HPSE2: variants seen among roughly 807,000 people sequenced by gnomAD.
HPSE2 encodes inactive heparanase-2.
A neutral mutation model predicts 60.5 loss-of-function variants in HPSE2; 38 were observed. The observed-to-expected ratio is 0.63, with a 90% CI of 0.48 to 0.82. The LOEUF (loss-of-function observed/expected upper bound fraction) is 0.82, where lower values mean the gene tolerates loss of function less well. HPSE2 is among the 40% of genes least tolerant of loss of function. HPSE2 has a pLI of 0.00. For missense variants in HPSE2, 713 were observed against 740.4 expected (o/e 0.96, Z 0.43); for synonymous variants, 295 against 293.2 (o/e 1.01, Z -0.06).
chr10:98,603,442 T>TTTTG lies in HPSE2; in HGVS notation c.1320+11461_1320+11462insCAAA, dbSNP rs916907712. Among the ~76,000 whole-genome samples, 18 of 150,594 alleles carry TTTTG rather than the reference T, an allele frequency of 1.2e-4. 1 individual carries two copies. Among genetic ancestry groups the TTTTG allele is most frequent in the Non-Finnish European group, 2.4e-4 (16 of 67,492 alleles). ...CGCCAGAGCACTCTGTTTTTTTGTT[T>TTTTG]TTTTTTTTGACAGAGTCTTGCTCTG... On this transcript the variant is annotated intron_variant, in intron 9 of 11. Transcript: ENST00000370552.
chr10:99,229,047 C>T (rs892961256), intron 2 of HPSE2, among the ~76,000 whole-genome samples: 3 of 151,852 alleles, frequency 2.0e-5, no homozygotes, highest in Non-Finnish European at 4.4e-5. Flanking sequence ...TGGTGACGCA[C>T]ACCTGTAATC....
intron 3 of HPSE2, among the ~76,000 whole-genome samples, chr10:98,744,771 A>C (rs1486388526): frequency 6.6e-6 from 1 of 152,196 alleles, no homozygotes; most frequent in Non-Finnish European, 1.5e-5. Flanking sequence ...TAAGATGAAT[A>C]ATAGGGTACA....
intron 7 of HPSE2, among the ~76,000 whole-genome samples, chr10:98,629,426 G>C (rs1340962314): frequency 6.6e-6 from 1 of 152,210 alleles, no homozygotes; most frequent in South Asian, 2.1e-4. Flanking sequence ...CCTCTTGTCA[G>C]TCTTTGTTCC....
Position 98,771,265 on chromosome 10 carries a change from T to C in HPSE2, c.611-27209A>G, listed in dbSNP as rs536866229. 1.1e-3 allele frequency among the ~76,000 whole-genome samples: 168 copies of C among 152,248 alleles called. 2 individuals carry two copies. The highest frequency in any genetic ancestry group is 0.01 in the Middle Eastern group (3 of 294). ...CAGAGATGTTTGAATACTCAATCAA[T>C]TAAGCTGGTCTGTTATGCTATCAGG... On this transcript the variant is annotated intron_variant, in intron 3 of 11. Transcript: ENST00000370552.
intron 3 of HPSE2, among the ~76,000 whole-genome samples, chr10:98,900,730 A>C (rs1004238589): frequency 6.6e-6 from 1 of 152,200 alleles, no homozygotes; most frequent in South Asian, 2.1e-4. Flanking sequence ...GTTGGTGAAG[A>C]TGTGGAAAAA....
intron 9 of HPSE2, among the ~76,000 whole-genome samples, chr10:98,541,065 T>C (rs1310449332): frequency 4.6e-5 from 7 of 152,218 alleles, no homozygotes; most frequent in African/African-American, 1.7e-4. Context: ...AAAAAACAGA[T>C]TTTAATGTAA....
chr10:98,816,632 C>T (rs1236398676), intron 3 of HPSE2, among the ~76,000 whole-genome samples: 1 of 152,146 alleles, frequency 6.6e-6, no homozygotes, highest in Non-Finnish European at 1.5e-5. Context: ...CAACATCTCT[C>T]CAGCTGGAAG....
chr10:98,501,633 C>T (rs1005360491), intron 9 of HPSE2, among the ~76,000 whole-genome samples: 14 of 152,112 alleles, frequency 9.2e-5, no homozygotes, highest in African/African-American at 3.4e-4. Context: ...CCTCTGAGAA[C>T]TGGAACAAGA....
At chr10:98,795,029 A>AAGGAAGGAAGGAAGGAAGGAAGGG (rs1950746189) in intron 3 of HPSE2, among the ~76,000 whole-genome samples, 1 of 132,760 alleles carries the variant, frequency 7.5e-6, no homozygotes, top group African/African-American at 2.9e-5. Context: ...AGAAGGAAGG[A>AAGGAAGGAAGGAAGGAAGGAAGGG]AGGAAGGAAG....
At chr10:99,242,730 C>T in the HPSE2 span, among the ~76,000 whole-genome samples, 1 of 152,162 alleles carries the variant, frequency 6.6e-6, no homozygotes, top group African/African-American at 2.4e-5. Context: ...AATTTAATAT[C>T]TGCTAATGTG....
chr10:98,544,380 A>G (rs985007535), intron 9 of HPSE2, among the ~76,000 whole-genome samples: 1 of 152,214 alleles, frequency 6.6e-6, no homozygotes, highest in Non-Finnish European at 1.5e-5. Context: ...AGAAAGCAGG[A>G]AAGATCCAAA....
chr10:98,960,461 A>G (rs1438215995), intron 3 of HPSE2, among the ~76,000 whole-genome samples: 1 of 152,122 alleles, frequency 6.6e-6, no homozygotes, highest in Non-Finnish European at 1.5e-5. Context: ...TATTCGAGTT[A>G]AAAAGATTAA....
At chr10:98,510,081 C>T (rs116247283) in intron 9 of HPSE2, among the ~76,000 whole-genome samples, 5 of 152,236 alleles carry the variant, frequency 3.3e-5, no homozygotes, top group African/African-American at 9.6e-5. Context: ...TATTAACTCA[C>T]GAATGTGCAT....
At chr10:99,266,172 C>T in the HPSE2 span, among the ~76,000 whole-genome samples, 1 of 152,174 alleles carries the variant, frequency 6.6e-6, no homozygotes, top group Non-Finnish European at 1.5e-5. Flanking sequence ...AGACACAGCA[C>T]AGAAGCCACA....
At chr10:98,660,152 CAT>C in intron 6 of HPSE2, among the ~76,000 whole-genome samples, 1 of 152,230 alleles carries the variant, frequency 6.6e-6, no homozygotes, top group East Asian at 1.9e-4. Flanking sequence ...CAGAAGTACA[CAT>C]GAGGGGAAAA....
At chr10:99,108,610 G>A (rs560365939) in intron 3 of HPSE2, among the ~76,000 whole-genome samples, 4 of 152,058 alleles carry the variant, frequency 2.6e-5, no homozygotes, top group African/African-American at 9.6e-5. Flanking sequence ...ACTCTATAAC[G>A]AGACCATATT....
intron 6 of HPSE2, among the ~76,000 whole-genome samples, chr10:98,679,503 GTA>G (rs1489960006): frequency 2.0e-5 from 3 of 151,872 alleles, no homozygotes; most frequent in African/African-American, 7.3e-5. Context: ...TGGAGTATAT[GTA>G]TATATGTTTT....
intron 3 of HPSE2, among the ~76,000 whole-genome samples, chr10:98,885,463 C>T (rs1953137777): frequency 6.6e-6 from 1 of 152,108 alleles, no homozygotes; most frequent in Admixed American, 6.6e-5. Context: ...TATCAAGCAG[C>T]ATCATGTGCT....
chr10:99,227,898 T>C (rs201616492), intron 2 of HPSE2, among the ~76,000 whole-genome samples: 12 of 135,202 alleles, frequency 8.9e-5, no homozygotes, highest in African/African-American at 2.5e-4. Flanking sequence ...TGTGTGTATA[T>C]ACATATATAT....
Sources: gnomAD v4.1 joint callset for allele counts (sites outside exome capture counted in the v4.1 genomes callset) on GRCh38, gnomAD v4.1.1 for gene constraint, MANE v1.5 for transcripts, NCBI Gene and HGNC (gene_info 2026-07-23, HGNC 2026-07-21) for gene names.